ITPR2: variants seen among roughly 807,000 people sequenced by gnomAD.
ITPR2 encodes the protein inositol 1,4,5-trisphosphate receptor type 2.
ITPR2 carries 207 observed loss-of-function variants against 317.1 expected under a neutral mutation model. The observed-to-expected ratio is 0.65, with a 90% CI of 0.58 to 0.73. The LOEUF (loss-of-function observed/expected upper bound fraction) is 0.73, where lower values mean the gene tolerates loss of function less well. ITPR2 is among the 30% of genes least tolerant of loss of function. The pLI is 0.00. For synonymous variants in ITPR2, 1,156 were observed against 1,149.1 expected, an observed-to-expected ratio of 1.01 and a Z score of -0.12; for missense variants, 2,613 against 3,284.0, an observed-to-expected ratio of 0.80 and a Z score of 4.99.
intron 21 of ITPR2, among the ~76,000 whole-genome samples, chr12:26,632,703 T>C (rs1044207403): frequency 1.3e-5 from 2 of 152,120 alleles, no homozygotes; most frequent in African/African-American, 4.8e-5. Context: ...AGCAATAATG[T>C]TTGAGGTGAT....
chr12:26,382,256 G>T (rs1239405671), intron 55 of ITPR2, among the ~76,000 whole-genome samples: 3 of 152,060 alleles, frequency 2.0e-5, no homozygotes, highest in African/African-American at 7.3e-5. Context: ...AAACATGAGG[G>T]TTTACATCCC....
chr12:26,495,771 T>C (rs1039252043), intron 37 of ITPR2, among the ~76,000 whole-genome samples: 2 of 152,080 alleles, frequency 1.3e-5, no homozygotes, highest in African/African-American at 4.8e-5. Context: ...CTCAGAATAA[T>C]AAACACCCTA....
At chr12:26,731,324 G>A (rs2170638) in intron 2 of ITPR2, among the ~76,000 whole-genome samples, 4,794 of 152,164 alleles carry the variant, frequency 0.032, 67 homozygotes, top group Middle Eastern at 0.068. Flanking sequence ...GGAAAGCCTC[G>A]GGGACTTTTG....
chr12:26,470,099 A>T (rs1024825043), intron 45 of ITPR2, among the ~76,000 whole-genome samples: 6 of 152,248 alleles, frequency 3.9e-5, no homozygotes, highest in Middle Eastern at 3.4e-3. Flanking sequence ...GGCCTTGAAG[A>T]TGGCTAGATT....
intron 2 of ITPR2, 79 bp from the exon 3 acceptor site, chr12:26,725,844 G>T: frequency 1.1e-6 from 1 of 889,280 alleles, no homozygotes; most frequent in Non-Finnish European, 1.8e-6. Flanking sequence ...CTCAGCTTTT[G>T]AATCTTGGAA....
In ITPR2 at chr12:26,562,918, A is replaced by T. The variant is rs189743321; in HGVS notation, c.4631-966T>A. On this transcript the variant is annotated intron_variant, in intron 34 of 56. Transcript: ENST00000381340. ...GTACCCTAGAACTTAAAGTATAATT[A>T]AAAAAAAAAAGAAATAACACAAAAC... Among the ~76,000 whole-genome samples, 453 of 108,920 alleles carry T rather than the reference A, an allele frequency of 4.2e-3. 8 individuals are homozygous for T. Among genetic ancestry groups the T allele is most frequent in the Admixed American group, 0.032 (385 of 11,878 alleles). 71.5% of individuals were successfully genotyped at this position (108,920 alleles called of 152,430 possible). A position where few individuals can be genotyped will look rare whatever the true frequency, so the allele number is the denominator to read the frequency against.
At chr12:26,548,922 G>A (rs1049830928) in intron 37 of ITPR2, among the ~76,000 whole-genome samples, 5 of 152,146 alleles carry the variant, frequency 3.3e-5, no homozygotes, top group South Asian at 2.1e-4. Context: ...ATTTCTTTCC[G>A]ATTTTCCTTT....
chr12:26,554,387 C>T (rs1471118447), intron 36 of ITPR2, among the ~76,000 whole-genome samples: 2 of 152,106 alleles, frequency 1.3e-5, no homozygotes, highest in Non-Finnish European at 2.9e-5. Flanking sequence ...ATACTGGCAC[C>T]CTAGTTCTCG....
chr12:26,357,941 G>C (rs1279256431), intron 55 of ITPR2, among the ~76,000 whole-genome samples: 2 of 152,228 alleles, frequency 1.3e-5, no homozygotes, highest in African/African-American at 4.8e-5. Flanking sequence ...AACTGTTGCT[G>C]CTCAGAGACC....
intron 36 of ITPR2, among the ~76,000 whole-genome samples, chr12:26,555,844 T>C (rs901783894): frequency 6.6e-6 from 1 of 152,194 alleles, no homozygotes; most frequent in South Asian, 2.1e-4. Context: ...CATATGACAA[T>C]AGTAAGACCT....
chr12:26,459,373 G>C (rs1333532401), intron 45 of ITPR2, among the ~76,000 whole-genome samples: 3 of 152,190 alleles, frequency 2.0e-5, no homozygotes. Flanking sequence ...TTGCTATTCT[G>C]ACTCTACTGT....
chr12:26,465,917 T>C (rs1399652792), intron 45 of ITPR2, among the ~76,000 whole-genome samples: 1 of 152,140 alleles, frequency 6.6e-6, no homozygotes, highest in Non-Finnish European at 1.5e-5. Context: ...GAAAGGGATT[T>C]GGGTGTGTCT....
chr12:26,624,252 A>G, intron 24 of ITPR2, 47 bp downstream of exon 24: 1 of 1,241,012 alleles, frequency 8.1e-7, no homozygotes, highest in Non-Finnish European at 1.2e-6. Context: ...AATTCTAAGT[A>G]AAATGTTATT....
intron 2 of ITPR2, among the ~76,000 whole-genome samples, chr12:26,741,745 T>C (rs1230964250): frequency 2.0e-5 from 3 of 152,198 alleles, no homozygotes; most frequent in East Asian, 1.9e-4. Context: ...ATAGCTGTTA[T>C]GAAATTCTGA....
rs140108348 is a variant in ITPR2 at position 26,652,269 on chromosome 12, T to G, written c.2740+1707A>C. 2.9e-3 allele frequency among the ~76,000 whole-genome samples: 436 copies of G among 152,326 alleles called. 2 individuals are homozygous for G. Among genetic ancestry groups the G allele is most frequent in the African/African-American group, 0.01 (418 of 41,578 alleles). On this transcript the variant is annotated intron_variant, in intron 21 of 56. Coordinates refer to ENST00000381340, the MANE Select transcript of ITPR2 (RefSeq NM_002223.4). ...CTTACAGTAACTAGCATTTGCACTG[T>G]CCCCTCGCTTCTAGTTATGCTGAAG...
chr12:26,497,747 G>A (rs1591832019), intron 37 of ITPR2, among the ~76,000 whole-genome samples: 2 of 136,638 alleles, frequency 1.5e-5, no homozygotes. Flanking sequence ...GTCTCACTCT[G>A]TTGCCCAGGC....
chr12:26,388,984 C>A (rs1939751569), intron 54 of ITPR2, among the ~76,000 whole-genome samples: 1 of 152,220 alleles, frequency 6.6e-6, no homozygotes, highest in African/African-American at 2.4e-5. Flanking sequence ...GCCTCTCACA[C>A]AGCACATCCA....
chr12:26,680,564 A>G (rs17478750), intron 13 of ITPR2, among the ~76,000 whole-genome samples: 20,697 of 152,172 alleles, frequency 0.14, 1,801 homozygotes, highest in Non-Finnish European at 0.2. Context: ...AAACTGATAG[A>G]TAAAATCACA....
chr12:26,595,834 C>T (rs1428561793), intron 31 of ITPR2, among the ~76,000 whole-genome samples: 1 of 152,306 alleles, frequency 6.6e-6, no homozygotes, highest in East Asian at 1.9e-4. Context: ...GAACTTTATG[C>T]AAAACAAGCC....
Sources: allele counts gnomAD v4.1 joint callset (sites outside exome capture counted in the v4.1 genomes callset), GRCh38; gene constraint gnomAD v4.1.1; transcripts MANE v1.5; gene names NCBI Gene and HGNC (gene_info 2026-07-23, HGNC 2026-07-21).